The following APPL2 variants were observed in gnomAD, a reference collection of about 807,000 sequenced individuals.
APPL2 encodes the protein adaptor protein, phosphotyrosine interacting with PH domain and leucine zipper 2.
In APPL2, 84 loss-of-function variants were observed where a neutral mutation model predicts 92.7. The observed-to-expected ratio is 0.91, with a 90% CI of 0.76 to 1.09. The LOEUF is 1.09. Ranked by LOEUF, APPL2 falls within the 50% of genes least tolerant of loss-of-function variation. The probability of loss-of-function intolerance (pLI) is 0.00; values close to 1 mark genes in which losing one functional copy is unlikely to be tolerated. For synonymous variants in APPL2, 291 were observed against 291.0 expected (o/e 1.00, Z 0.00); for missense variants, 736 against 824.5 (o/e 0.89, Z 1.31).
In APPL2 at chr12:105,207,634, A is replaced by T. The variant is rs865975048; in HGVS notation, c.474+337T>A. ...TATCTAGAGTAGCGAAGGTCCTAGA[A>T]AGCATGGGTTAAAGAATCAGAGTCA... is the stretch of plus-strand genomic sequence containing the variant. On this transcript the variant is annotated intron_variant, in intron 7 of 20. Transcript: ENST00000258530. Among the ~76,000 whole-genome samples the T allele has an allele frequency of 2.0e-5, 3 of 152,232 alleles. No individual in the cohort carries two copies. In the South Asian group the frequency reaches 6.2e-4, roughly 31 times the overall value.
chr12:105,227,304 A>G (rs527435380), intron 2 of APPL2, among the ~76,000 whole-genome samples: 11 of 152,152 alleles, frequency 7.2e-5, no homozygotes, highest in Admixed American at 6.5e-4. Flanking sequence ...GTTCTAATTA[A>G]TAAGTTACAC....
chr12:105,223,383 A>G (rs535217155), intron 2 of APPL2, among the ~76,000 whole-genome samples: 4 of 152,278 alleles, frequency 2.6e-5, no homozygotes, highest in African/African-American at 9.6e-5. Context: ...GTGAACACAG[A>G]CTCGCCAGAG....
intron 17 of APPL2, among the ~76,000 whole-genome samples, chr12:105,178,022 C>T (rs989733474): frequency 3.3e-5 from 5 of 152,170 alleles, no homozygotes; most frequent in Non-Finnish European, 7.4e-5. Context: ...AACTCCTGAC[C>T]TCAGGGGATC....
Position 105,199,541 on chromosome 12 carries a change from G to C in APPL2, c.705-10C>G, listed in dbSNP as rs1231793502. Reference sequence around the variant, plus strand: ...CAGTTCTACCTGAATGCTTAAGACAGAAGGTGTTGGGTCAGTTACTCACTG... The same window carrying C: ...CAGTTCTACCTGAATGCTTAAGACACAAGGTGTTGGGTCAGTTACTCACTG... On this transcript the variant is annotated splice_polypyrimidine_tract_variant and intron_variant, in intron 9 of 20. Coordinates refer to ENST00000258530, the MANE Select transcript of APPL2 (RefSeq NM_018171.5). 4 of 1,612,258 alleles carry C rather than the reference G, an allele frequency of 2.5e-6. No individual in the cohort carries two copies. The highest frequency in any genetic ancestry group is 3.4e-6 in the Non-Finnish European group (4 of 1,179,282).
At chr12:105,204,910 C>A (rs1288571762) in intron 8 of APPL2, among the ~76,000 whole-genome samples, 1 of 152,222 alleles carries the variant, frequency 6.6e-6, no homozygotes. Context: ...CTGGAGGTCA[C>A]TGTTCCGTTC....
In APPL2 at chr12:105,208,043, G is replaced by A; in HGVS notation, c.416-14C>T. On this transcript the variant is annotated splice_polypyrimidine_tract_variant and intron_variant, in intron 6 of 20. Coordinates refer to ENST00000258530, the MANE Select transcript of APPL2 (RefSeq NM_018171.5). Reference sequence around the variant, plus strand: ...AGAGGTCATGCTCTAAAAATAAACAGACATCTGAACACCCAGGAGGGTCAG... The same window carrying A: ...AGAGGTCATGCTCTAAAAATAAACAAACATCTGAACACCCAGGAGGGTCAG... The A allele has an allele frequency of 6.2e-7, 1 of 1,614,094 alleles. No homozygotes were observed. Among genetic ancestry groups the A allele is most frequent in the Non-Finnish European group, 8.5e-7 (1 of 1,180,002 alleles).
chr12:105,181,513 T>A (rs1886113591), intron 17 of APPL2, among the ~76,000 whole-genome samples: 1 of 152,218 alleles, frequency 6.6e-6, no homozygotes. Flanking sequence ...TTCTATTGTT[T>A]GGAATAGTTT....
intron 8 of APPL2, among the ~76,000 whole-genome samples, chr12:105,204,500 C>CG (rs991284997): frequency 8.5e-5 from 13 of 152,162 alleles, no homozygotes; most frequent in African/African-American, 3.1e-4. Context: ...AGGTTAAAAA[C>CG]GGATGATTGT....
At chr12:105,235,346 A>G (rs1107757) in intron 1 of APPL2, 20,552 of 152,224 alleles carry the variant, frequency 0.14, 1,704 homozygotes, top group Non-Finnish European at 0.19. Context: ...CTTGTGCGAC[A>G]AATGGGGCAG....
At chr12:105,178,173 G>T (rs1286850140) in intron 17 of APPL2, among the ~76,000 whole-genome samples, 1 of 152,002 alleles carries the variant, frequency 6.6e-6, no homozygotes, top group East Asian at 1.9e-4. Flanking sequence ...CTATATGAGA[G>T]AATTTATTGC....
At position 105,189,754 on chromosome 12, in the gene APPL2, A is replaced by G; in HGVS notation, c.1459+18T>C. On this transcript the variant is annotated intron_variant, in intron 16 of 20. Transcript: ENST00000258530. ...TTTGTGCAGAGGAAAGAATAAGGACACCAAACTAGTCACTTACCTTCTGCT... is the reference window on the plus strand; with the variant it reads ...TTTGTGCAGAGGAAAGAATAAGGACGCCAAACTAGTCACTTACCTTCTGCT... 1 of 1,613,534 alleles carries G rather than the reference A, an allele frequency of 6.2e-7. No homozygotes were observed. The highest frequency in any genetic ancestry group is 8.5e-7 in the Non-Finnish European group (1 of 1,179,436).
chr12:105,198,991 C>T (rs1407651006), intron 10 of APPL2, among the ~76,000 whole-genome samples: 1 of 152,252 alleles, frequency 6.6e-6, no homozygotes, highest in African/African-American at 2.4e-5. Context: ...CTGACCTTGC[C>T]TCTGGCCTTG....
chr12:105,178,908 A>G (rs770799649), intron 17 of APPL2, among the ~76,000 whole-genome samples: 42 of 152,228 alleles, frequency 2.8e-4, no homozygotes, highest in Non-Finnish European at 5.4e-4. Flanking sequence ...AAATTCCCTT[A>G]TAAGTGAAAA....
chr12:105,220,909 A>G (rs1160110350), intron 2 of APPL2, among the ~76,000 whole-genome samples: 1 of 152,202 alleles, frequency 6.6e-6, no homozygotes, highest in Non-Finnish European at 1.5e-5. Flanking sequence ...TCCTAGGAAT[A>G]CCATTTGAAA....
At chr12:105,203,010 TACAC>T (rs3838812) in intron 9 of APPL2, among the ~76,000 whole-genome samples, 3,503 of 145,808 alleles carry the variant, frequency 0.024, 60 homozygotes, top group African/African-American at 0.038. Context: ...ATTTGTCAAC[TACAC>T]ACACACACAC....
intron 5 of APPL2, among the ~76,000 whole-genome samples, chr12:105,209,451 G>T (rs1046245838): frequency 7.2e-5 from 11 of 152,038 alleles, no homozygotes; most frequent in Admixed American, 7.2e-4. Context: ...CCACATTTGG[G>T]GTCACTCTGG....
At chr12:105,234,602 A>T (rs533342614) in intron 1 of APPL2, among the ~76,000 whole-genome samples, 66 of 152,360 alleles carry the variant, frequency 4.3e-4, no homozygotes, top group African/African-American at 1.6e-3. Context: ...TAGGTTAGAA[A>T]AGCAGGATAT....
At chr12:105,229,847 C>T (rs922540344) in intron 1 of APPL2, 113 of 775,840 alleles carry the variant, frequency 1.5e-4, no homozygotes, top group Admixed American at 3.8e-4. Context: ...GGTGCGATCT[C>T]GGCTCACTGC....
intron 17 of APPL2, among the ~76,000 whole-genome samples, chr12:105,182,143 A>G (rs1354064636): frequency 2.0e-5 from 3 of 152,174 alleles, no homozygotes; most frequent in East Asian, 3.8e-4. Context: ...CTCCTGCTCC[A>G]GCCTCTCCAG....
Sources: allele counts gnomAD v4.1 joint callset (sites outside exome capture counted in the v4.1 genomes callset), GRCh38; gene constraint gnomAD v4.1.1; transcripts MANE v1.5; gene names NCBI Gene and HGNC (gene_info 2026-07-23, HGNC 2026-07-21).